Variants in GALNT14 observed in about 807,000 individuals in gnomAD.
The protein encoded by GALNT14 is polypeptide N-acetylgalactosaminyltransferase 14, also known as UDP-GalNAc:polypeptide N-acetylgalactosaminyltransferase 14.
In GALNT14, 60 loss-of-function variants were observed where a neutral mutation model predicts 77.5. The observed-to-expected ratio is 0.77, with a 90% confidence interval of 0.63 to 0.96. GALNT14 has a LOEUF of 0.96. Among genes scored for constraint, GALNT14 ranks in the 40% least tolerant of loss-of-function variants. The probability of loss-of-function intolerance (pLI) is 0.00; values close to 1 mark genes in which losing one functional copy is unlikely to be tolerated. For synonymous variants in GALNT14, 280 were observed against 281.7 expected, an observed-to-expected ratio of 0.99 and a Z score of 0.06; for missense variants, 710 against 731.0, an observed-to-expected ratio of 0.97 and a Z score of 0.33.
At chr2:31,095,718 A>C (rs1676967705) in intron 1 of GALNT14, among the ~76,000 whole-genome samples, 1 of 152,202 alleles carries the variant, frequency 6.6e-6, no homozygotes, top group East Asian at 1.9e-4. Context: ...TATATTCAAC[A>C]AATCAACTAC....
At chr2:31,049,786 A>T (rs1048124861) in intron 1 of GALNT14, among the ~76,000 whole-genome samples, 14 of 152,222 alleles carry the variant, frequency 9.2e-5, no homozygotes, top group Non-Finnish European at 2.1e-4. Context: ...TTCCTCACTG[A>T]TTCCCTTCTG....
chr2:31,024,672 T>C (rs1303972204), intron 1 of GALNT14, among the ~76,000 whole-genome samples: 1 of 152,232 alleles, frequency 6.6e-6, no homozygotes, highest in Non-Finnish European at 1.5e-5. Context: ...ATCTCTTTGC[T>C]TTCTGTCTCC....
At chr2:31,049,091 A>G (rs1161846668) in intron 1 of GALNT14, among the ~76,000 whole-genome samples, 2 of 152,166 alleles carry the variant, frequency 1.3e-5, no homozygotes, top group Admixed American at 1.3e-4. Flanking sequence ...CCCGTAACGT[A>G]TATTTCATCT....
chr2:31,098,299 T>C (rs1677094916), intron 1 of GALNT14, among the ~76,000 whole-genome samples: 2 of 152,146 alleles, frequency 1.3e-5, no homozygotes, highest in African/African-American at 4.8e-5. Context: ...CTTCATGGCT[T>C]ATTAGCGGGG....
intron 2 of GALNT14, among the ~76,000 whole-genome samples, chr2:30,968,444 T>C (rs907218097): frequency 6.6e-6 from 1 of 152,214 alleles, no homozygotes; most frequent in Non-Finnish European, 1.5e-5. Context: ...CACAAAAACA[T>C]TGCAGGCTCT....
intron 9 of GALNT14, among the ~76,000 whole-genome samples, chr2:30,941,670 C>T (rs1488967675): frequency 6.6e-6 from 1 of 152,188 alleles, no homozygotes; most frequent in Non-Finnish European, 1.5e-5. Context: ...ATCCCTTCCT[C>T]TCCCACTATA....
At chr2:31,109,327 C>T (rs996487184) in intron 1 of GALNT14, among the ~76,000 whole-genome samples, 1 of 152,148 alleles carries the variant, frequency 6.6e-6, no homozygotes, top group African/African-American at 2.4e-5. Context: ...GAATTGCCCA[C>T]CTTTTACTTC....
intron 1 of GALNT14, among the ~76,000 whole-genome samples, chr2:31,014,633 G>A (rs977269463): frequency 1.3e-5 from 2 of 152,192 alleles, no homozygotes; most frequent in African/African-American, 4.8e-5. Flanking sequence ...CACGATACAT[G>A]TAGGTCAGCA....
the GALNT14 span, among the ~76,000 whole-genome samples, chr2:30,902,925 ATTC>A: frequency 4.6e-5 from 7 of 152,288 alleles, no homozygotes; most frequent in Admixed American, 2.6e-4. Context: ...GCCTGTTCTC[ATTC>A]TTCTTTGCAG....
intron 13 of GALNT14, among the ~76,000 whole-genome samples, chr2:30,912,956 T>C (rs1020917131): frequency 6.6e-5 from 10 of 152,172 alleles, no homozygotes; most frequent in African/African-American, 1.9e-4. Context: ...GGAGGGTGCA[T>C]GTGCCAGGAT....
At chr2:31,073,982 T>C (rs1675593977) in intron 1 of GALNT14, among the ~76,000 whole-genome samples, 1 of 152,214 alleles carries the variant, frequency 6.6e-6, no homozygotes, top group Non-Finnish European at 1.5e-5. Context: ...TGTATATTTA[T>C]TTGGGCCCTG....
chr2:31,134,852 T>C (rs989479941), intron 1 of GALNT14, among the ~76,000 whole-genome samples: 11 of 152,238 alleles, frequency 7.2e-5, no homozygotes, highest in African/African-American at 2.2e-4. Flanking sequence ...CATTCCATTC[T>C]TGTCCTGATG....
chr2:31,053,216 C>T (rs530954604), intron 1 of GALNT14, among the ~76,000 whole-genome samples: 21 of 152,266 alleles, frequency 1.4e-4, no homozygotes, highest in African/African-American at 4.6e-4. Flanking sequence ...CTGATAATGC[C>T]AGGTTCTTTG....
intron 1 of GALNT14, among the ~76,000 whole-genome samples, chr2:31,057,807 A>G (rs1398837124): frequency 6.6e-6 from 1 of 152,130 alleles, no homozygotes; most frequent in African/African-American, 2.4e-5. Flanking sequence ...GAGCCTGGGA[A>G]GCTGAGCACT....
At chr2:30,972,937 G>A (rs1035152082) in intron 2 of GALNT14, among the ~76,000 whole-genome samples, 2 of 152,164 alleles carry the variant, frequency 1.3e-5, no homozygotes, top group African/African-American at 4.8e-5. Context: ...ACCTCAGCAA[G>A]GCCCTGGGTG....
At chr2:30,914,823 G>A (rs1206185854) in intron 13 of GALNT14, among the ~76,000 whole-genome samples, 1 of 152,164 alleles carries the variant, frequency 6.6e-6, no homozygotes, top group African/African-American at 2.4e-5. Flanking sequence ...TTTGGGTGGG[G>A]GATTCTGAAG....
At chr2:31,081,055 G>A (rs1003939639) in intron 1 of GALNT14, among the ~76,000 whole-genome samples, 1 of 152,196 alleles carries the variant, frequency 6.6e-6, no homozygotes, top group African/African-American at 2.4e-5. Context: ...TAAGATGGAA[G>A]AGAAGCATGC....
At chr2:30,961,057 C>T (rs1291836379) in intron 3 of GALNT14, among the ~76,000 whole-genome samples, 13 of 152,368 alleles carry the variant, frequency 8.5e-5, no homozygotes, top group Middle Eastern at 3.4e-3. Flanking sequence ...CCCCAGAGGC[C>T]GCAGGGCAGC....
At chr2:31,095,520 G>A (rs535270396) in intron 1 of GALNT14, among the ~76,000 whole-genome samples, 1 of 151,866 alleles carries the variant, frequency 6.6e-6, no homozygotes, top group African/African-American at 2.4e-5. Flanking sequence ...ATGTTCTTGG[G>A]TCCTAAAAAA....
Sources: gnomAD v4.1 joint callset for allele counts (sites outside exome capture counted in the v4.1 genomes callset) on GRCh38, gnomAD v4.1.1 for gene constraint, MANE v1.5 for transcripts, NCBI Gene and HGNC (gene_info 2026-07-23, HGNC 2026-07-21) for gene names.